Variants in HOOK1 observed in about 807,000 individuals in gnomAD.
HOOK1 encodes hook microtubule tethering protein 1, also known as protein Hook homolog 1.
In HOOK1, 60 loss-of-function variants were observed where a neutral mutation model predicts 112.8. That is an observed-to-expected ratio of 0.53 (90% CI 0.43 to 0.66). The LOEUF (loss-of-function observed/expected upper bound fraction) is 0.66. Ranked by LOEUF, HOOK1 falls within the 30% of genes least tolerant of loss-of-function variation. The probability of loss-of-function intolerance (pLI) is 0.00; values close to 1 mark genes in which losing one functional copy is unlikely to be tolerated. For synonymous variants in HOOK1, 294 were observed against 283.8 expected (o/e 1.04, Z -0.36); for missense variants, 770 against 856.0 (o/e 0.90, Z 1.25).
At chr1:59,855,541 GC>G (rs1411542939) in intron 12 of HOOK1, among the ~76,000 whole-genome samples, 1 of 151,918 alleles carries the variant, frequency 6.6e-6, no homozygotes, top group African/African-American at 2.4e-5. Flanking sequence ...TCATTAATGG[GC>G]ATTTAGACTG....
At chr1:59,832,325 T>G in intron 4 of HOOK1, 112 bp downstream of exon 4, 1 of 657,856 alleles carries the variant, frequency 1.5e-6, no homozygotes, top group South Asian at 1.9e-5. Context: ...ATGTAAGTCA[T>G]AATTAGAACA....
rs558864486 is a variant in HOOK1, at chr1:59,873,053, T to C, written c.*88T>C. The C allele has an allele frequency of 1.8e-5, 19 of 1,054,984 alleles. 1 individual carries two copies. The South Asian group carries it at 6.2e-4, about 34-fold the overall frequency. The allele number at this position is 1,054,984 out of a possible 1,614,324, so 65.4% of individuals were successfully genotyped here. On this transcript the variant is annotated 3_prime_UTR_variant, in exon 22 of 22. Transcript: ENST00000371208. ...TTGTACCTTTCAACTAACTACCAGA[T>C]TGAAAAAGAGTTTATGATGCGGGAT...
At chr1:59,829,338 A>G (rs973709959) in intron 3 of HOOK1, among the ~76,000 whole-genome samples, 1 of 151,928 alleles carries the variant, frequency 6.6e-6, no homozygotes, top group African/African-American at 2.4e-5. Context: ...AACATTTTTG[A>G]CTATTGTGAA....
chr1:59,828,112 T>G (rs1317504553), intron 2 of HOOK1, among the ~76,000 whole-genome samples: 1 of 152,216 alleles, frequency 6.6e-6, no homozygotes, highest in Non-Finnish European at 1.5e-5. Context: ...GATATTTGTT[T>G]AGAATAAAGT....
intron 2 of HOOK1, among the ~76,000 whole-genome samples, chr1:59,823,527 T>C (rs1262143204): frequency 6.6e-6 from 1 of 151,886 alleles, no homozygotes; most frequent in Non-Finnish European, 1.5e-5. Flanking sequence ...GCAGCAACAT[T>C]GTGGTTGGTA....
chr1:59,849,604 C>T (rs1348962799), intron 12 of HOOK1, among the ~76,000 whole-genome samples: 3 of 151,630 alleles, frequency 2.0e-5, no homozygotes, highest in Non-Finnish European at 4.4e-5. Context: ...ACTGCCATCA[C>T]TCTAAAAAGA....
intron 8 of HOOK1, among the ~76,000 whole-genome samples, 177 bp from the exon 9 acceptor site, chr1:59,843,255 A>G (rs1442479603): frequency 6.7e-6 from 1 of 148,696 alleles, no homozygotes; most frequent in Non-Finnish European, 1.5e-5. Flanking sequence ...TTTGACTTAC[A>G]TCTCCTAGAC....
At chr1:59,871,289 T>G (rs893270410) in intron 21 of HOOK1, among the ~76,000 whole-genome samples, 179 bp downstream of exon 21, 2 of 152,240 alleles carry the variant, frequency 1.3e-5, no homozygotes, top group Non-Finnish European at 2.9e-5. Flanking sequence ...TTTTGTCATA[T>G]TCTCCTTTAA....
chr1:59,830,292 C>T (rs2098392872), intron 3 of HOOK1, among the ~76,000 whole-genome samples: 1 of 152,086 alleles, frequency 6.6e-6, no homozygotes, highest in East Asian at 1.9e-4. Context: ...GTAGAGAGCC[C>T]TTAAATCTCT....
chr1:59,870,880 C>T lies in HOOK1; in HGVS notation c.1948-162C>T, dbSNP rs1269748155. On this transcript the variant is annotated intron_variant, in intron 20 of 21. Transcript: ENST00000371208. ...CTTATTCTTTCCTAAAGGTGTTGGG[C>T]ATGCATTTGTGCTTGATTCAGTTTA... 1.2e-5 allele frequency: 7 copies of T among 561,558 alleles called. 1 individual carries two copies. The African/African-American group carries it at 1.3e-4, about 11-fold the overall frequency. The allele number at this position is 561,558 out of a possible 1,614,324, so 34.8% of individuals were successfully genotyped here.
At chr1:59,849,784 A>T (rs138892528) in intron 12 of HOOK1, among the ~76,000 whole-genome samples, 14 of 151,642 alleles carry the variant, frequency 9.2e-5, no homozygotes, top group African/African-American at 3.1e-4. Context: ...GTGTTGTAGC[A>T]TATATCAGTG....
rs1559046846 is a variant in HOOK1, at chr1:59,832,213, G to A, written c.273G>A (p.Glu91=). The stretch of plus-strand genomic sequence containing the variant: ...AAGGAATTATGAGTTATTATCATGA[G>A]GTATGAAAACCATCTGACTTTGTTT... ...VLQGIMSYYH[E]FLGQQISEAL... is the part of the protein sequence containing the mutation. The change falls in exon 4 of 22, where the codon GAG becomes GAA. Residue 91 remains glutamate, a splice_region_variant and synonymous_variant. Transcript: ENST00000371208. 1 of 1,549,470 alleles carries A rather than the reference G, an allele frequency of 6.5e-7. No individual in the cohort carries two copies. The highest frequency in any genetic ancestry group is 8.8e-7 in the Non-Finnish European group (1 of 1,138,876).
intron 7 of HOOK1, 97 bp downstream of exon 7, chr1:59,837,032 A>G (rs1367415728): frequency 1.4e-6 from 1 of 723,050 alleles, no homozygotes; most frequent in African/African-American, 1.8e-5. Flanking sequence ...ATATACAATA[A>G]TATTTTCTTC....
chr1:59,861,005 T>C (rs943919946), intron 15 of HOOK1, among the ~76,000 whole-genome samples: 1 of 152,214 alleles, frequency 6.6e-6, no homozygotes, highest in African/African-American at 2.4e-5. Context: ...CTCAATCTCC[T>C]GACCTCATGA....
chr1:59,852,348 A>G (rs570741358), intron 12 of HOOK1, among the ~76,000 whole-genome samples: 3 of 151,906 alleles, frequency 2.0e-5, no homozygotes, highest in Admixed American at 2.0e-4. Flanking sequence ...CAGCTATTCT[A>G]TGACTTCTTG....
chr1:59,848,188 C>T (rs12756932), intron 10 of HOOK1, 127 bp from the exon 11 acceptor site: 16,139 of 635,902 alleles, frequency 0.025, 605 homozygotes, highest in African/African-American at 0.13. Flanking sequence ...TTCCTCTTCT[C>T]ACTCACTCAC....
In HOOK1 at chr1:59,864,671, G is replaced by A. The variant is rs1037085107; in HGVS notation, c.1661+5G>A. On this transcript the variant is annotated splice_donor_5th_base_variant and intron_variant, in intron 17 of 21. Coordinates refer to ENST00000371208, the MANE Select transcript of HOOK1 (RefSeq NM_015888.6). Reference sequence around the variant, plus strand: ...GCAGAAGTTGGAAGCTCATATGTAAGTAAAACTGATATTTCTTTTCAAATA... The same window carrying A: ...GCAGAAGTTGGAAGCTCATATGTAAATAAAACTGATATTTCTTTTCAAATA... 6.6e-7 allele frequency: 1 copy of A among 1,504,300 alleles called. No individual in the cohort carries two copies. The highest frequency in any genetic ancestry group is 9.2e-7 in the Non-Finnish European group (1 of 1,088,638). The allele number at this position is 1,504,300 out of a possible 1,614,324, so 93.2% of individuals were successfully genotyped here.
At chr1:59,819,138 ATTTTTTTTTTTTT>A (rs60936378) in intron 1 of HOOK1, among the ~76,000 whole-genome samples, 3 of 76,542 alleles carry the variant, frequency 3.9e-5, no homozygotes, top group Non-Finnish European at 7.0e-5. Flanking sequence ...CCCAATAAGC[ATTTTTTTTTTTTT>A]TTTTTTTTTT....
At chr1:59,846,002 GT>G (rs909236974) in intron 9 of HOOK1, among the ~76,000 whole-genome samples, 13 of 151,812 alleles carry the variant, frequency 8.6e-5, no homozygotes, top group Non-Finnish European at 7.4e-5. Context: ...TTCTTTGTGA[GT>G]GTGTTTTTCC....
Sources: allele counts gnomAD v4.1 joint callset (sites outside exome capture counted in the v4.1 genomes callset), GRCh38; gene constraint gnomAD v4.1.1; transcripts MANE v1.5; gene names NCBI Gene and HGNC (gene_info 2026-07-23, HGNC 2026-07-21).